PPP2R2B: variants seen among roughly 807,000 people sequenced by gnomAD.
PPP2R2B encodes the protein protein phosphatase 2 regulatory subunit Bbeta.
In PPP2R2B, 5 loss-of-function variants were observed where a neutral mutation model predicts 46.0. The observed-to-expected ratio is 0.11, with a 90% CI of 0.06 to 0.23. PPP2R2B has a LOEUF of 0.23. Among genes scored for constraint, PPP2R2B ranks in the 10% least tolerant of loss-of-function variants. PPP2R2B has a pLI of 1.00. For missense variants in PPP2R2B, 367 were observed against 575.0 expected (o/e 0.64, Z 3.70); for synonymous variants, 215 against 206.7 (o/e 1.04, Z -0.34).
intron 2 of PPP2R2B, among the ~76,000 whole-genome samples, chr5:146,867,870 T>A (rs1761399045): frequency 6.6e-6 from 1 of 152,212 alleles, no homozygotes; most frequent in African/African-American, 2.4e-5. Flanking sequence ...TTGTTTGAAT[T>A]GTTAAATTTT....
chr5:146,664,553 G>A (rs1776859670), intron 5 of PPP2R2B, among the ~76,000 whole-genome samples: 1 of 150,550 alleles, frequency 6.6e-6, no homozygotes, highest in African/African-American at 2.4e-5. Context: ...CAACTGCAGT[G>A]ACTTCCTCCA....
chr5:146,812,489 T>C (rs1446790185), intron 2 of PPP2R2B, among the ~76,000 whole-genome samples: 2 of 29,204 alleles, frequency 6.8e-5, no homozygotes, highest in Non-Finnish European at 1.8e-4. Context: ...AGTATATATA[T>C]ATATACTGTA....
At chr5:146,911,246 G>A (rs1176681317) in intron 1 of PPP2R2B, among the ~76,000 whole-genome samples, 1 of 152,060 alleles carries the variant, frequency 6.6e-6, no homozygotes, top group Non-Finnish European at 1.5e-5. Context: ...ACCATGTCCG[G>A]CTAATTTTTG....
At chr5:146,902,484 T>C (rs1333647899) in intron 1 of PPP2R2B, among the ~76,000 whole-genome samples, 2 of 152,242 alleles carry the variant, frequency 1.3e-5, no homozygotes, top group African/African-American at 4.8e-5. Context: ...ATGCTTACCA[T>C]GGATCAGGCT....
chr5:146,998,004 A>G (rs1423946566), intron 1 of PPP2R2B, among the ~76,000 whole-genome samples: 1 of 152,210 alleles, frequency 6.6e-6, no homozygotes, highest in Admixed American at 6.5e-5. Context: ...ACTCTAGGGA[A>G]ACAAAGAGGG....
At chr5:146,670,887 T>G (rs1033497334) in intron 5 of PPP2R2B, among the ~76,000 whole-genome samples, 20 of 152,144 alleles carry the variant, frequency 1.3e-4, no homozygotes, top group Non-Finnish European at 2.6e-4. Context: ...AAACCAGTTT[T>G]CTATGAATTG....
intron 1 of PPP2R2B, among the ~76,000 whole-genome samples, chr5:146,971,009 T>A (rs1165088145): frequency 1.3e-5 from 2 of 152,332 alleles, no homozygotes; most frequent in Non-Finnish European, 2.9e-5. Context: ...GAAACATTTT[T>A]CAAAGTCTAT....
intron 1 of PPP2R2B, among the ~76,000 whole-genome samples, chr5:146,900,941 C>A (rs941248199): frequency 6.6e-6 from 1 of 152,222 alleles, no homozygotes; most frequent in African/African-American, 2.4e-5. Context: ...CTCCATCCAT[C>A]CCCCTGCAAA....
chr5:146,931,754 A>G (rs2151822386), intron 1 of PPP2R2B, among the ~76,000 whole-genome samples: 1 of 152,314 alleles, frequency 6.6e-6, no homozygotes, highest in East Asian at 1.9e-4. Flanking sequence ...TGTTCTAATT[A>G]GCCCCACCTT....
At chr5:146,653,445 A>C (rs1173332568) in intron 5 of PPP2R2B, among the ~76,000 whole-genome samples, 1 of 152,154 alleles carries the variant, frequency 6.6e-6, no homozygotes, top group Admixed American at 6.5e-5. Context: ...CCATGCTTTT[A>C]TAGTTTGTCA....
intron 2 of PPP2R2B, among the ~76,000 whole-genome samples, chr5:146,711,450 G>A (rs1038839333): frequency 2.6e-5 from 4 of 152,178 alleles, no homozygotes; most frequent in Non-Finnish European, 4.4e-5. Flanking sequence ...GGAATAGTGA[G>A]TGTTTGATGA....
chr5:146,878,314 C>G lies in PPP2R2B; in HGVS notation c.-124-119G>C. On this transcript the variant is annotated intron_variant, in intron 1 of 9. Coordinates refer to ENST00000394411, the MANE Select transcript of PPP2R2B (RefSeq NM_181675.4). This position sits in a 1 kb window ranked among gnomAD's most constrained non-coding sequence, Gnocchi z 4.5. ...GCTCCTCCCGCGCGGTGCGCTCACT[C>G]CAGCTCCAGTTCCCAGCGAGGATGC... 6.9e-7 allele frequency: 1 copy of G among 1,445,130 alleles called. No homozygotes were observed. The highest frequency in any genetic ancestry group is 9.0e-7 in the Non-Finnish European group (1 of 1,105,954). 89.5% of individuals were successfully genotyped at this position (1,445,130 alleles called of 1,614,324 possible).
intron 2 of PPP2R2B, among the ~76,000 whole-genome samples, chr5:147,072,032 A>C (rs1757614787): frequency 6.6e-6 from 1 of 152,226 alleles, no homozygotes; most frequent in Admixed American, 6.5e-5. Context: ...ACTCACAGTC[A>C]GTGCATCCAG....
intron 2 of PPP2R2B, among the ~76,000 whole-genome samples, chr5:147,075,437 T>C (rs542623152): frequency 2.6e-5 from 4 of 152,282 alleles, no homozygotes; most frequent in South Asian, 4.1e-4. Context: ...ATTCAGTTCA[T>C]TGGTGCCAAA....
At chr5:146,987,364 C>G (rs994284996) in intron 1 of PPP2R2B, among the ~76,000 whole-genome samples, 1 of 151,872 alleles carries the variant, frequency 6.6e-6, no homozygotes, top group East Asian at 1.9e-4. Context: ...CTGTAACCAC[C>G]CATATCTTTA....
At chr5:146,620,781 A>C (rs1337984117) in intron 7 of PPP2R2B, among the ~76,000 whole-genome samples, 1 of 151,806 alleles carries the variant, frequency 6.6e-6, no homozygotes, top group Non-Finnish European at 1.5e-5. Flanking sequence ...CCCTCTCATA[A>C]TTTGTTCCCA....
intron 2 of PPP2R2B, among the ~76,000 whole-genome samples, chr5:146,833,616 C>T (rs2151355789): frequency 6.6e-6 from 1 of 152,250 alleles, no homozygotes. Flanking sequence ...CATGTTGAAA[C>T]AGTTTCTCCA....
intron 1 of PPP2R2B, among the ~76,000 whole-genome samples, chr5:146,897,558 A>G (rs1762686012): frequency 6.6e-6 from 1 of 152,204 alleles, no homozygotes; most frequent in Non-Finnish European, 1.5e-5. Flanking sequence ...TGACAGTTCT[A>G]CTGATTCATT....
At chr5:146,600,944 A>G (rs1306364529) in intron 7 of PPP2R2B, among the ~76,000 whole-genome samples, 1 of 152,182 alleles carries the variant, frequency 6.6e-6, no homozygotes, top group Non-Finnish European at 1.5e-5. Flanking sequence ...ATCCATTGGC[A>G]GTTACTTTCC....
Sources: gnomAD v4.1 joint callset for allele counts (sites outside exome capture counted in the v4.1 genomes callset) on GRCh38, gnomAD v4.1.1 for gene constraint, Gnocchi (gnomAD v3.1) non-coding constraint, MANE v1.5 for transcripts, NCBI Gene and HGNC (gene_info 2026-07-23, HGNC 2026-07-21) for gene names.